NFIB: variants seen among roughly 807,000 people sequenced by gnomAD.
NFIB encodes the protein nuclear factor I B.
A neutral mutation model predicts 61.5 loss-of-function variants in NFIB; 11 were observed. The ratio of observed to expected loss-of-function variants is 0.18; its 90% confidence interval spans 0.11 to 0.30. NFIB has a LOEUF of 0.30. Among genes scored for constraint, NFIB ranks in the 10% least tolerant of loss-of-function variants. NFIB has a pLI of 1.00. For missense variants in NFIB, 471 were observed against 608.9 expected, an observed-to-expected ratio of 0.77 and a Z score of 2.38; for synonymous variants, 260 against 216.5, an observed-to-expected ratio of 1.20 and a Z score of -1.76.
intron 1 of NFIB, among the ~76,000 whole-genome samples, chr9:14,339,647 A>C (rs73641908): frequency 0.14 from 21,223 of 152,174 alleles, 4,921 homozygotes; most frequent in African/African-American, 0.48. Flanking sequence ...GTTAATTAAG[A>C]CCAGAACTAA....
At chr9:14,197,424 A>G (rs767225776) in intron 2 of NFIB, among the ~76,000 whole-genome samples, 2 of 152,212 alleles carry the variant, frequency 1.3e-5, no homozygotes, top group African/African-American at 2.4e-5. Context: ...CACTGTTGTT[A>G]TTCTTCCAAT....
intron 2 of NFIB, among the ~76,000 whole-genome samples, chr9:14,293,120 C>A (rs2059207700): frequency 6.6e-6 from 1 of 152,166 alleles, no homozygotes; most frequent in African/African-American, 2.4e-5. Flanking sequence ...CAGTGCGTTA[C>A]AATGAAATCT....
intron 1 of NFIB, among the ~76,000 whole-genome samples, chr9:14,379,831 T>C (rs966940584): frequency 2.6e-5 from 4 of 152,022 alleles, no homozygotes; most frequent in Non-Finnish European, 5.9e-5. Flanking sequence ...TACAGGTGCC[T>C]GCCACCACAC....
At chr9:14,481,287 G>A in the NFIB span, among the ~76,000 whole-genome samples, 1 of 140,770 alleles carries the variant, frequency 7.1e-6, no homozygotes, top group South Asian at 2.3e-4. Flanking sequence ...GTTTTGCTCT[G>A]TCCTCCAGAG....
intron 1 of NFIB, among the ~76,000 whole-genome samples, chr9:14,393,504 C>A (rs796707236): frequency 1.6e-4 from 24 of 152,302 alleles, no homozygotes; most frequent in African/African-American, 5.8e-4. Context: ...TGTAATCTCT[C>A]CTAGTTTGTT....
At chr9:14,107,358 C>T (rs1016926786) in intron 10 of NFIB, among the ~76,000 whole-genome samples, 10 of 151,804 alleles carry the variant, frequency 6.6e-5, no homozygotes, top group African/African-American at 2.4e-4. Flanking sequence ...CAAGATCATC[C>T]TCATATCTTA....
At chr9:14,195,873 A>G (rs1440111438) in intron 2 of NFIB, among the ~76,000 whole-genome samples, 1 of 152,052 alleles carries the variant, frequency 6.6e-6, no homozygotes, top group African/African-American at 2.4e-5. Flanking sequence ...GGGGTGGGGT[A>G]TTTAAGAAAA....
At chr9:14,191,328 G>A (rs1477126881) in intron 2 of NFIB, among the ~76,000 whole-genome samples, 1 of 151,420 alleles carries the variant, frequency 6.6e-6, no homozygotes, top group Non-Finnish European at 1.5e-5. Context: ...CCCCTATCTT[G>A]AAAAAAATAA....
chr9:14,365,007 C>T (rs913469552), intron 1 of NFIB, among the ~76,000 whole-genome samples: 1 of 152,110 alleles, frequency 6.6e-6, no homozygotes, highest in African/African-American at 2.4e-5. Context: ...TTCTGAGGCA[C>T]GTTAATTTCT....
At chr9:14,165,556 G>A (rs2044692802) in intron 3 of NFIB, among the ~76,000 whole-genome samples, 1 of 152,100 alleles carries the variant, frequency 6.6e-6, no homozygotes, top group Non-Finnish European at 1.5e-5. Context: ...AAATGTACTT[G>A]ACACCAAGAG....
chr9:14,392,357 C>A (rs559534938), intron 1 of NFIB, among the ~76,000 whole-genome samples: 1 of 152,332 alleles, frequency 6.6e-6, no homozygotes, highest in Admixed American at 6.5e-5. Context: ...ATAATCAGGA[C>A]AACAGAGTGG....
the NFIB span, among the ~76,000 whole-genome samples, chr9:14,486,462 G>A: frequency 6.6e-6 from 1 of 152,180 alleles, no homozygotes; most frequent in Non-Finnish European, 1.5e-5. Flanking sequence ...CTGCTAAAAG[G>A]TGAAGTAAGG....
intron 1 of NFIB, among the ~76,000 whole-genome samples, chr9:14,358,310 T>A (rs1409256402): frequency 1.3e-5 from 2 of 151,706 alleles, no homozygotes; most frequent in East Asian, 1.9e-4. Flanking sequence ...ATATATACTT[T>A]AAAAAAAGGC....
intron 2 of NFIB, among the ~76,000 whole-genome samples, chr9:14,274,307 TATTAAG>T (rs981004175): frequency 8.4e-5 from 11 of 130,992 alleles, no homozygotes; most frequent in Non-Finnish European, 1.6e-4. Flanking sequence ...CATCCATTAA[TATTAAG>T]AACAGTCTTC....
intron 1 of NFIB, among the ~76,000 whole-genome samples, chr9:14,370,174 A>G (rs957652471): frequency 6.6e-5 from 10 of 152,322 alleles, no homozygotes; most frequent in African/African-American, 2.2e-4. Flanking sequence ...CTGAAAGCCT[A>G]GCTCAATATC....
the NFIB span, among the ~76,000 whole-genome samples, chr9:14,497,175 T>A: frequency 6.6e-6 from 1 of 152,242 alleles, no homozygotes; most frequent in African/African-American, 2.4e-5. Flanking sequence ...GGTTTTTTTA[T>A]CTTGTAAGAA....
chr9:14,477,277 A>T, the NFIB span, among the ~76,000 whole-genome samples: 1 of 152,186 alleles, frequency 6.6e-6, no homozygotes, highest in African/African-American at 2.4e-5. Flanking sequence ...GCCTATGATT[A>T]AAAAAAGAAA....
At chr9:14,262,741 C>T (rs751104941) in intron 2 of NFIB, among the ~76,000 whole-genome samples, 1 of 152,144 alleles carries the variant, frequency 6.6e-6, no homozygotes, top group Non-Finnish European at 1.5e-5. Context: ...TGTTCATACG[C>T]GTCAAGAGTC....
chr9:14,521,502 T>C, the NFIB span, among the ~76,000 whole-genome samples: 1 of 152,172 alleles, frequency 6.6e-6, no homozygotes, highest in Admixed American at 6.5e-5. Flanking sequence ...TGCTGTGAAA[T>C]GGGAATTACA....
Sources: gnomAD v4.1 joint callset for allele counts (sites outside exome capture counted in the v4.1 genomes callset) on GRCh38, gnomAD v4.1.1 for gene constraint, MANE v1.5 for transcripts, NCBI Gene and HGNC (gene_info 2026-07-23, HGNC 2026-07-21) for gene names.